The following STARD8 variants were observed in gnomAD, a reference collection of about 807,000 sequenced individuals.
STARD8 encodes the protein stAR-related lipid transfer protein 8.
STARD8 carries 25 observed loss-of-function variants against 69.4 expected under a neutral mutation model. The observed-to-expected ratio is 0.36, with a 90% CI of 0.26 to 0.50. The LOEUF (loss-of-function observed/expected upper bound fraction) is 0.50, where lower values mean the gene tolerates loss of function less well. Ranked by LOEUF, STARD8 falls within the 20% of genes least tolerant of loss-of-function variation. STARD8 has a pLI of 0.96. For missense variants in STARD8, 921 were observed against 932.5 expected, an observed-to-expected ratio of 0.99 and a Z score of 0.16; for synonymous variants, 389 against 374.6, an observed-to-expected ratio of 1.04 and a Z score of -0.45.
At chrX:68,651,064 T>C (rs1167975424) in intron 1 of STARD8, among the ~76,000 whole-genome samples, 1 of 112,406 alleles carries the variant, frequency 8.9e-6, no homozygotes, top group Non-Finnish European at 1.9e-5. Flanking sequence ...AATGCACATG[T>C]ACACACAGAC....
chrX:68,722,369 A>G (rs1022657136), intron 11 of STARD8, 53 bp from the exon 12 acceptor site: 120 of 1,093,187 alleles, frequency 1.1e-4, no homozygotes, highest in Non-Finnish European at 1.4e-4. Flanking sequence ...GACAGACCCC[A>G]TGGGGTCTCC....
In STARD8 at chrX:68,723,846, G is replaced by A. The variant is rs1488808438; in HGVS notation, c.3017+3G>A. Reference sequence around the variant, plus strand: ...TGCCGCGACTTTGTGGTGCTTCGGTGAGGGGCTGCAGCTGCTACCCTTCTG... The same window carrying A: ...TGCCGCGACTTTGTGGTGCTTCGGTAAGGGGCTGCAGCTGCTACCCTTCTG... On this transcript the variant is annotated splice_donor_region_variant and intron_variant, in intron 13 of 14. Transcript: ENST00000374599. 1 of 1,202,785 alleles carries A rather than the reference G, an allele frequency of 8.3e-7. No homozygotes were observed.
rs1013596218 is a variant in STARD8 at position 68,718,406 on chromosome X, G to A, written c.1492G>A (p.Glu498Lys). ...GGCCCCGGCCCCAGCCCAGGACAGT[G>A]AGCAGGAGGCACATTCAGGCGGGGA... ...APAPAPAQDS[E>K]QEAHSGGEPT... is the part of the protein sequence containing the mutation. The change falls in exon 6 of 15, where the codon GAG (glutamate) becomes AAG (lysine). Residue 498 changes from glutamate to lysine, a missense_variant. Physicochemically the swap from Glu to Lys is moderately conservative, Grantham distance 56 (BLOSUM62 1). Transcript: ENST00000374599. 4.1e-6 allele frequency: 5 copies of A among 1,208,947 alleles called. No individual in the cohort carries two copies. In the African/African-American group the frequency reaches 8.7e-5, roughly 21 times the overall value.
In STARD8 at chrX:68,723,815, C is replaced by T; in HGVS notation, c.2989C>T (p.His997Tyr). 2 of 1,187,952 alleles carry T rather than the reference C, an allele frequency of 1.7e-6. No individual in the cohort carries two copies. Among genetic ancestry groups the T allele is most frequent in the Non-Finnish European group, 2.3e-6 (2 of 883,594 alleles). ...YHYVTDSMAP[H>Y]PCRDFVVLRM... ...CTATGTCACCGACAGCATGGCACCC[C>T]ATCCCTGCCGCGACTTTGTGGTGCT... Residue 997 changes from histidine (H) to tyrosine (Y), a missense_variant, in exon 13 of 15, where the codon CAT becomes TAT. Coordinates refer to ENST00000374599, the MANE Select transcript of STARD8 (RefSeq NM_001142503.3).
intron 2 of STARD8, among the ~76,000 whole-genome samples, chrX:68,681,109 G>A (rs776352108): frequency 1.3e-4 from 14 of 111,430 alleles, no homozygotes; most frequent in Non-Finnish European, 2.4e-4. Flanking sequence ...CTGCCATCCA[G>A]CAACCCTTCT....
At chrX:68,682,296 G>A (rs1427365812) in intron 2 of STARD8, among the ~76,000 whole-genome samples, 2 of 112,450 alleles carry the variant, frequency 1.8e-5, no homozygotes, top group African/African-American at 6.5e-5. Context: ...ACTGCGCCCA[G>A]TGCATTCAAT....
intron 1 of STARD8, among the ~76,000 whole-genome samples, chrX:68,658,842 C>G (rs1303199288): frequency 8.9e-6 from 1 of 112,527 alleles, no homozygotes; most frequent in East Asian, 2.8e-4. Context: ...CTGCTGCTGT[C>G]AGGGCCCTTA....
intron 1 of STARD8, among the ~76,000 whole-genome samples, chrX:68,648,587 C>T (rs1052766317): frequency 5.5e-4 from 61 of 110,968 alleles, no homozygotes; most frequent in Non-Finnish European, 1.1e-3. Context: ...ATAAGGAGAC[C>T]CCCATCTCCA....
In STARD8 at chrX:68,716,007, G is replaced by A. The variant is rs184457607; in HGVS notation, c.234-361G>A. On this transcript the variant is annotated intron_variant, in intron 4 of 14. Transcript: ENST00000374599. Reference sequence around the variant, plus strand: ...GTGTCCTGTGTAAGCTTGGGTAAGAGTCCCTGTTTCTCTCACCTTCAAAAT... The same window carrying A: ...GTGTCCTGTGTAAGCTTGGGTAAGAATCCCTGTTTCTCTCACCTTCAAAAT... 2.0e-4 allele frequency among the ~76,000 whole-genome samples: 22 copies of A among 111,903 alleles called. No homozygotes were observed. In the South Asian group the frequency reaches 6.1e-3, roughly 31 times the overall value.
intron 2 of STARD8, among the ~76,000 whole-genome samples, chrX:68,672,141 G>A (rs2079732503): frequency 9.0e-6 from 1 of 111,376 alleles, no homozygotes; most frequent in Non-Finnish European, 1.9e-5. Context: ...ATTCTATACT[G>A]TTAAAAGTTC....
Position 68,717,556 on chromosome X carries a change from A to G in STARD8, c.642A>G (p.Glu214=), listed in dbSNP as rs758906085. 3.2e-5 allele frequency: 39 copies of G among 1,209,955 alleles called. No homozygotes were observed. In the South Asian group the frequency reaches 4.9e-4, roughly 15 times the overall value. ...ACCGTAGCTTCCTCAAGCACCTTGAATCTCTGAGGCGGAAGGAAAAGAGTG... is the reference window on the plus strand; with the variant it reads ...ACCGTAGCTTCCTCAAGCACCTTGAGTCTCTGAGGCGGAAGGAAAAGAGTG... ...HRNRSFLKHL[E]SLRRKEKSGS... Residue 214 remains glutamate (E), a synonymous_variant, in exon 6 of 15, where the codon GAA becomes GAG. Transcript: ENST00000374599.
At chrX:68,684,128 C>G (rs923448622) in intron 2 of STARD8, among the ~76,000 whole-genome samples, 7 of 112,674 alleles carry the variant, frequency 6.2e-5, no homozygotes, top group African/African-American at 1.6e-4. Context: ...CTCACAGCAC[C>G]ATTGTCAGCT....
At chrX:68,675,560 T>A (rs191663645) in intron 2 of STARD8, among the ~76,000 whole-genome samples, 31 of 68,354 alleles carry the variant, frequency 4.5e-4, no homozygotes, top group African/African-American at 1.5e-3. Context: ...GCCCAGACAG[T>A]AGTGGGGTGG....
chrX:68,693,885 C>T (rs1362532932), intron 2 of STARD8: 16 of 715,316 alleles, frequency 2.2e-5, no homozygotes, highest in South Asian at 7.2e-5. Flanking sequence ...CTGGGGCTCC[C>T]TCTCCCCGCT....
chrX:68,712,843 C>T, intron 2 of STARD8, 71 bp from the exon 3 acceptor site: 3 of 1,035,571 alleles, frequency 2.9e-6, no homozygotes, highest in Non-Finnish European at 4.0e-6. Context: ...GCAGCATGCA[C>T]CTAGGGCCCT....
At chrX:68,680,007 C>T (rs1389319088) in intron 2 of STARD8, among the ~76,000 whole-genome samples, 3 of 112,135 alleles carry the variant, frequency 2.7e-5, no homozygotes, top group African/African-American at 9.7e-5. Flanking sequence ...CATGCCACTG[C>T]CAACACTGTT....
intron 12 of STARD8, among the ~76,000 whole-genome samples, 164 bp downstream of exon 12, chrX:68,722,810 T>C (rs2080163513): frequency 8.9e-6 from 1 of 112,024 alleles, no homozygotes; most frequent in Admixed American, 9.4e-5. Context: ...GAAAGTACCT[T>C]AAGGAATCAA....
intron 2 of STARD8, among the ~76,000 whole-genome samples, chrX:68,672,713 G>A (rs371787677): frequency 4.0e-5 from 4 of 99,924 alleles, no homozygotes; most frequent in East Asian, 5.8e-4. Context: ...TTCAAACAGC[G>A]CCCCACCCCC....
chrX:68,688,203 C>G (rs2079847750), intron 2 of STARD8, among the ~76,000 whole-genome samples: 1 of 112,137 alleles, frequency 8.9e-6, no homozygotes, highest in African/African-American at 3.3e-5. Flanking sequence ...GCCCAGAGCC[C>G]TTTGCTGAGT....
Sources: gnomAD v4.1 joint callset for allele counts (sites outside exome capture counted in the v4.1 genomes callset) on GRCh38, gnomAD v4.1.1 for gene constraint, MANE v1.5 for transcripts, NCBI Gene and HGNC (gene_info 2026-07-23, HGNC 2026-07-21) for gene names.